Variants in ACOT11 observed in about 807,000 individuals in gnomAD.
ACOT11 encodes acyl-coenzyme A thioesterase 11.
In ACOT11, 69 loss-of-function variants were observed where a neutral mutation model predicts 77.5. The observed-to-expected ratio is 0.89, with a 90% CI of 0.73 to 1.09. The LOEUF (loss-of-function observed/expected upper bound fraction) is 1.09, where lower values mean the gene tolerates loss of function less well. ACOT11 is among the 50% of genes least tolerant of loss of function. The pLI is 0.00. For missense variants in ACOT11, 766 were observed against 813.7 expected (o/e 0.94, Z 0.71); for synonymous variants, 279 against 313.0 (o/e 0.89, Z 1.15).
At chr1:54,623,490 G>A (rs114566617) in intron 15 of ACOT11, 10,510 of 879,590 alleles carry the variant, frequency 0.012, 102 homozygotes, top group Non-Finnish European at 0.015. Flanking sequence ...GGAGCTCCCA[G>A]CAGCACCTAA....
chr1:54,593,045 A>C (rs1433582830), intron 4 of ACOT11, among the ~76,000 whole-genome samples: 2 of 152,144 alleles, frequency 1.3e-5, no homozygotes, highest in African/African-American at 4.8e-5. Context: ...GCAAAAGGGA[A>C]CATGATTCCT....
At position 54,593,960 on chromosome 1, in the gene ACOT11, C is replaced by T. The variant is rs140453182; in HGVS notation, c.392C>T (p.Ser131Leu). 18 of 1,614,006 alleles carry T rather than the reference C, an allele frequency of 1.1e-5. No individual in the cohort carries two copies. Among genetic ancestry groups the T allele is most frequent in the African/African-American group, 4.0e-5 (3 of 74,930 alleles). Reference sequence around the variant, plus strand: ...CTCCAGGTGGGCATCCAGGTGGCCTCGGAGGACCTGTGCTCTGAGAAGCAG... The same window carrying T: ...CTCCAGGTGGGCATCCAGGTGGCCTTGGAGGACCTGTGCTCTGAGAAGCAG... Reference protein sequence around the residue: ...SSMEVGIQVASEDLCSEKQWN... With the variant: ...SSMEVGIQVALEDLCSEKQWN... Residue 131 changes from serine to leucine, a missense_variant, in exon 5 of 16, where the codon TCG (serine) becomes TTG (leucine). Transcript: ENST00000343744.
intron 15 of ACOT11, among the ~76,000 whole-genome samples, chr1:54,619,605 G>A (rs910526675): frequency 2.0e-5 from 3 of 152,190 alleles, no homozygotes; most frequent in African/African-American, 7.2e-5. Context: ...GACAGGTCGA[G>A]GAAGGGGTAG....
At position 54,608,050 on chromosome 1, in the gene ACOT11, G is replaced by C; in HGVS notation, c.1611G>C (p.Glu537Asp). The C allele has an allele frequency of 6.2e-7, 1 of 1,611,738 alleles. No individual in the cohort carries two copies. The highest frequency in any genetic ancestry group is 8.5e-7 in the Non-Finnish European group (1 of 1,179,206). Residue 537 changes from glutamate to aspartate, a missense_variant, in exon 15 of 16, where the codon GAG (glutamate) becomes GAC (aspartate). Coordinates refer to ENST00000343744, the MANE Select transcript of ACOT11 (RefSeq NM_147161.4). ...TLCSGFCLWR[E>D]GDQLTKVSYY... is the part of the protein sequence containing the mutation. ...GCTCAGGCTTCTGCCTCTGGCGCGA[G>C]GGGGACCAGCTGACCAAGGTGAGGC...
chr1:54,608,997 A>C lies in ACOT11; in HGVS notation c.1670A>C (p.Tyr557Ser). The change falls in exon 16 of 16, where the codon TAT (tyrosine) becomes TCT (serine). Residue 557 changes from tyrosine (Y) to serine (S), a missense_variant. By Grantham distance (144) the Tyr-to-Ser change is moderately radical. Transcript: ENST00000343744. The stretch of plus-strand genomic sequence containing the variant: ...CAGGCCACCCCAGGTGTTCTCAACT[A>C]TGTGACCACCAACGTGGCCGGCCTC... ...YNQATPGVLN[Y>S]VTTNVAGLSS... 6.2e-7 allele frequency: 1 copy of C among 1,613,910 alleles called. No individual in the cohort carries two copies. Among genetic ancestry groups the C allele is most frequent in the Non-Finnish European group, 8.5e-7 (1 of 1,179,952 alleles).
intron 1 of ACOT11, among the ~76,000 whole-genome samples, chr1:54,557,391 C>CA (rs71045195): frequency 1.9e-3 from 185 of 98,094 alleles, no homozygotes; most frequent in South Asian, 0.015. Context: ...GATTCCATCT[C>CA]AAAAAAAAAA....
intron 11 of ACOT11, among the ~76,000 whole-genome samples, 195 bp downstream of exon 11, chr1:54,604,132 T>C (rs1643997149): frequency 6.6e-6 from 1 of 151,962 alleles, no homozygotes; most frequent in Non-Finnish European, 1.5e-5. Flanking sequence ...AGAGGCAGAG[T>C]AGCTTGTCTA....
chr1:54,635,668 C>G (rs1168270151), exon 17 of ACOT11: 1 of 167,332 alleles, frequency 6.0e-6, no homozygotes, highest in Admixed American at 6.3e-5. Flanking sequence ...CACTTGGAAG[C>G]TCTGTGATTT....
rs760362664 is a variant in ACOT11 at position 54,573,357 on chromosome 1, G to C, written c.34-11298G>C. On this transcript the variant is annotated intron_variant, in intron 1 of 15. Transcript: ENST00000343744. ...TGCAAGTTACCTTTTCTGAGACTTTGTTTCCCCATCTGTAAAATGGGAATA... is the reference window on the plus strand; with the variant it reads ...TGCAAGTTACCTTTTCTGAGACTTTCTTTCCCCATCTGTAAAATGGGAATA... 4.6e-5 allele frequency: 21 copies of C among 456,830 alleles called. 1 individual carries two copies. Among genetic ancestry groups the C allele is most frequent in the Non-Finnish European group, 5.5e-5 (19 of 347,264 alleles). The allele number at this position is 456,830 out of a possible 1,614,324, so 28.3% of individuals were successfully genotyped here.
chr1:54,569,667 C>A (rs1653869673), intron 1 of ACOT11, among the ~76,000 whole-genome samples: 1 of 152,158 alleles, frequency 6.6e-6, no homozygotes, highest in Non-Finnish European at 1.5e-5. Context: ...TTGGTTACAG[C>A]AGGAATTGTT....
chr1:54,602,572 C>T (rs547874203), intron 9 of ACOT11, 97 bp from the exon 10 acceptor site: 19 of 1,222,786 alleles, frequency 1.6e-5, no homozygotes, highest in Middle Eastern at 4.2e-4. Context: ...CTGAACTCCA[C>T]GTTAGGGCTG....
At chr1:54,590,159 GTCTC>G (rs139006981) in intron 3 of ACOT11, among the ~76,000 whole-genome samples, 1 of 151,660 alleles carries the variant, frequency 6.6e-6, no homozygotes, top group African/African-American at 2.4e-5. Flanking sequence ...CTCTGGCACC[GTCTC>G]TCTCTCTCAA....
In ACOT11 at chr1:54,609,929, A is replaced by G; in HGVS notation, c.*817A>G. On this transcript the variant is annotated 3_prime_UTR_variant, in exon 16 of 16. Coordinates refer to ENST00000343744, the MANE Select transcript of ACOT11 (RefSeq NM_147161.4). ...CTCGAGGCCAGTGTTCAGCAGGATC[A>G]TGCCTTCTGTGTCTGGAAGAGGCGG... 1 of 1,605,222 alleles carries G rather than the reference A, an allele frequency of 6.2e-7. No individual in the cohort carries two copies. Among genetic ancestry groups the G allele is most frequent in the Non-Finnish European group, 8.5e-7 (1 of 1,178,558 alleles).
chr1:54,605,349 GGT>G, intron 13 of ACOT11, 140 bp downstream of exon 13: 1 of 1,349,318 alleles, frequency 7.4e-7, no homozygotes. Context: ...GCTGGGTGGG[GGT>G]TCAGGGTCAT....
At chr1:54,591,259 C>T (rs570547143) in intron 3 of ACOT11, among the ~76,000 whole-genome samples, 10 of 152,322 alleles carry the variant, frequency 6.6e-5, no homozygotes, top group South Asian at 2.1e-4. Context: ...CCAGGCCTGG[C>T]GCTTGGCTCA....
rs1249601594 is a variant in ACOT11, at chr1:54,629,565, C to T, written c.1630-1169C>T. ...CCTCCTAAAGGGCTGGGATTACAGG[C>T]GCGAGCCCCCGTGCCCGGCCTGTTT... On this transcript the variant is annotated intron_variant, in intron 15 of 16. Transcript: ENST00000371316. Among the ~76,000 whole-genome samples, 5 of 132,758 alleles carry T rather than the reference C, an allele frequency of 3.8e-5. 2 individuals are homozygous for T. The highest frequency in any genetic ancestry group is 6.8e-5 in the Non-Finnish European group (4 of 58,734). The allele number at this position is 132,758 out of a possible 152,430, so 87.1% of individuals were successfully genotyped here. A position where few individuals can be genotyped will look rare whatever the true frequency, so the allele number is the denominator to read the frequency against.
At chr1:54,606,479 A>G (rs1644027456) in intron 13 of ACOT11, among the ~76,000 whole-genome samples, 1 of 152,124 alleles carries the variant, frequency 6.6e-6, no homozygotes, top group African/African-American at 2.4e-5. Context: ...ACGTGTTGGT[A>G]TGAACCTGTG....
intron 1 of ACOT11, among the ~76,000 whole-genome samples, chr1:54,555,137 T>C (rs1373882943): frequency 6.6e-6 from 1 of 152,210 alleles, no homozygotes; most frequent in Admixed American, 6.5e-5. Flanking sequence ...TTTTTTGTAT[T>C]TTCAGTAAAG....
chr1:54,612,750 G>A (rs1448009654), downstream of ACOT11: 5 of 1,519,260 alleles, frequency 3.3e-6, no homozygotes, highest in Non-Finnish European at 3.6e-6. Flanking sequence ...CGGAGCTGCA[G>A]CGGCCCCTTC....
Sources: gnomAD v4.1 joint callset for allele counts (sites outside exome capture counted in the v4.1 genomes callset) on GRCh38, gnomAD v4.1.1 for gene constraint, MANE v1.5 for transcripts, NCBI Gene and HGNC (gene_info 2026-07-23, HGNC 2026-07-21) for gene names.